The following MANSC1 variants were observed in gnomAD, a reference collection of about 807,000 sequenced individuals.
MANSC1 encodes the protein MANSC domain containing 1, also known as MANSC domain-containing protein 1.
Under a neutral mutation model 14.1 loss-of-function variants are expected in MANSC1, and 13 were observed. The observed-to-expected ratio is 0.92, with a 90% CI of 0.60 to 1.46. The LOEUF (loss-of-function observed/expected upper bound fraction) is 1.46, where lower values mean the gene tolerates loss of function less well. Among genes scored for constraint, MANSC1 ranks in the 40% most tolerant of loss-of-function variants. MANSC1 has a pLI of 0.00. For synonymous variants in MANSC1, 227 were observed against 200.7 expected (o/e 1.13, Z -1.11); for missense variants, 486 against 511.4 (o/e 0.95, Z 0.48).
intron 1 of MANSC1, among the ~76,000 whole-genome samples, chr12:12,346,507 A>G (rs1863011974): frequency 6.6e-6 from 1 of 152,228 alleles, no homozygotes; most frequent in Non-Finnish European, 1.5e-5. Flanking sequence ...TATTAGAAAA[A>G]GAATAGACAA....
intron 2 of MANSC1, among the ~76,000 whole-genome samples, chr12:12,342,019 C>T (rs531178174): frequency 7.2e-5 from 11 of 152,218 alleles, no homozygotes; most frequent in Non-Finnish European, 1.6e-4. Context: ...AAAAAGTCCA[C>T]TGCAGCCTCA....
intron 1 of MANSC1, among the ~76,000 whole-genome samples, chr12:12,345,751 C>A (rs907513971): frequency 1.3e-5 from 2 of 152,136 alleles, no homozygotes; most frequent in Non-Finnish European, 2.9e-5. Context: ...TGTTTATTAA[C>A]CCCTTTGATA....
intron 2 of MANSC1, among the ~76,000 whole-genome samples, chr12:12,340,346 C>G (rs980130003): frequency 6.6e-6 from 1 of 152,218 alleles, no homozygotes; most frequent in African/African-American, 2.4e-5. Flanking sequence ...TCAACTCCAA[C>G]TCCCGAGATG....
In MANSC1 at chr12:12,335,176, G is replaced by A. The variant is rs144439352; in HGVS notation, c.364+3244C>T. ...CAGCAAGTCCTGTCAACTCTACTTC[G>A]GAATAGCCCATATGTCCACTACTCT... On this transcript the variant is annotated intron_variant, in intron 3 of 3. Transcript: ENST00000535902. Among the ~76,000 whole-genome samples the A allele has an allele frequency of 1.6e-3, 249 of 151,920 alleles. 3 individuals carry two copies. The highest frequency in any genetic ancestry group is 5.9e-3 in the African/African-American group (243 of 41,436).
At position 12,327,710 on chromosome 12, in the gene MANSC1, TTTTA is replaced by T. The variant is rs1862725173; in HGVS notation, c.*2313_*2316del. On this transcript the variant is annotated 3_prime_UTR_variant, in exon 4 of 4. Coordinates refer to ENST00000535902, the MANE Select transcript of MANSC1 (RefSeq NM_018050.4). ...CTTGTTAAGTTAAATTGACTCAAGGTTTTATTTATTCAGCCTACTTAAAGCTTAT... is the reference window on the plus strand; with the variant it reads ...CTTGTTAAGTTAAATTGACTCAAGGTTTTATTCAGCCTACTTAAAGCTTAT... 1 of 152,240 alleles carries T rather than the reference TTTTA, an allele frequency of 6.6e-6. No homozygotes were observed. Among genetic ancestry groups the T allele is most frequent in the South Asian group, 2.1e-4 (1 of 4,836 alleles). The allele number at this position is 152,240 out of a possible 1,614,324, so 9.4% of individuals were successfully genotyped here. A position where few individuals can be genotyped will look rare whatever the true frequency, so the allele number is the denominator to read the frequency against.
intron 2 of MANSC1, among the ~76,000 whole-genome samples, chr12:12,340,206 T>C (rs989123664): frequency 6.6e-6 from 1 of 152,210 alleles, no homozygotes; most frequent in African/African-American, 2.4e-5. Flanking sequence ...TTTGGTACAG[T>C]CTCACATCTT....
At chr12:12,343,452 TC>T in intron 1 of MANSC1, 38 bp from the exon 2 acceptor site, 4 of 597,490 alleles carry the variant, frequency 6.7e-6, no homozygotes, top group Non-Finnish European at 1.2e-5. Flanking sequence ...GAGTTTTGTT[TC>T]TTTAACAAAC....
rs1216767270 is a variant in MANSC1, at chr12:12,326,925, C to G, written c.*3102G>C. On this transcript the variant is annotated 3_prime_UTR_variant, in exon 4 of 4. Transcript: ENST00000535902. ...TCCCGGCCTCAAGCAATTATCCTAC[C>G]TCAGCCTCCCAAGTAGCTGGGATTA... 1.3e-5 allele frequency: 2 copies of G among 152,334 alleles called. No homozygotes were observed. The highest frequency in any genetic ancestry group is 3.8e-4 in the East Asian group (2 of 5,200). The allele number at this position is 152,334 out of a possible 1,614,324, so 9.4% of individuals were successfully genotyped here.
chr12:12,332,135 A>G (rs1862799009), intron 3 of MANSC1, among the ~76,000 whole-genome samples: 1 of 152,204 alleles, frequency 6.6e-6, no homozygotes, highest in African/African-American at 2.4e-5. Flanking sequence ...GTGAATTGCC[A>G]TGTATCACTC....
Position 12,330,299 on chromosome 12 carries a change from A to G in MANSC1, c.1024T>C (p.Ser342Pro), listed in dbSNP as rs139979568. The change falls in exon 4 of 4, where the codon TCT becomes CCT. Residue 342 changes from serine (S) to proline (P), a missense_variant. Ser to Pro is a moderately conservative substitution (Grantham distance 74). Coordinates refer to ENST00000535902, the MANE Select transcript of MANSC1 (RefSeq NM_018050.4). The part of the protein sequence containing the change: ...TGNVYNPTAL[S>P]MSNVESSTMN... The stretch of plus-strand genomic sequence containing the variant: ...GTGGAAGACTCCACATTTGACATAG[A>G]AAGTGCAGTAGGGTTATACACATTC... The G allele has an allele frequency of 1.6e-4, 265 of 1,614,236 alleles. No homozygotes were observed. In the African/African-American group the frequency reaches 3.3e-3, roughly 20 times the overall value.
rs146270171 is a variant in MANSC1 at position 12,326,603 on chromosome 12, G to GTT, written c.*3422_*3423dup. On this transcript the variant is annotated 3_prime_UTR_variant, in exon 4 of 4. Transcript: ENST00000535902. Reference sequence around the variant, plus strand: ...CCTCAGGTTTTTTAAGAGTTTTTTAGTTTTTTTTTTGTTGTTGTTGTTTTG... The same window carrying GTT: ...CCTCAGGTTTTTTAAGAGTTTTTTAGTTTTTTTTTTTTGTTGTTGTTGTTTTG... 10,951 of 132,534 alleles carry GTT rather than the reference G, an allele frequency of 0.083. 433 individuals are homozygous for GTT. The highest frequency in any genetic ancestry group is 0.18 in the East Asian group (823 of 4,616). 8.2% of individuals were successfully genotyped at this position (132,534 alleles called of 1,614,324 possible).
chr12:12,342,101 C>T (rs995395761), intron 2 of MANSC1, among the ~76,000 whole-genome samples: 2 of 152,224 alleles, frequency 1.3e-5, no homozygotes, highest in African/African-American at 4.8e-5. Flanking sequence ...CACCAGCACG[C>T]CTGGCTGATT....
chr12:12,344,849 C>T (rs1002354833), intron 1 of MANSC1, among the ~76,000 whole-genome samples: 9 of 141,230 alleles, frequency 6.4e-5, no homozygotes, highest in South Asian at 2.3e-4. Context: ...AAACTCCTTG[C>T]TCCTCAGCCT....
intron 1 of MANSC1, among the ~76,000 whole-genome samples, chr12:12,344,934 T>TATATG (rs1862988606): frequency 1.4e-5 from 1 of 72,502 alleles, no homozygotes; most frequent in South Asian, 4.8e-4. Flanking sequence ...TATATATATA[T>TATATG]ATATATATAT....
intron 3 of MANSC1, 62 bp downstream of exon 3, chr12:12,338,354 ATCTT>A (rs1480296003): frequency 7.3e-7 from 1 of 1,376,218 alleles, no homozygotes; most frequent in East Asian, 2.5e-5. Context: ...CTTGTAGAAA[ATCTT>A]TCACATGAAC....
At chr12:12,334,235 C>T (rs973615940) in intron 3 of MANSC1, among the ~76,000 whole-genome samples, 2 of 149,734 alleles carry the variant, frequency 1.3e-5, no homozygotes, top group East Asian at 2.0e-4. Context: ...GCCATGATCG[C>T]GCCACTGCAC....
At chr12:12,345,493 A>T (rs1344001531) in intron 1 of MANSC1, among the ~76,000 whole-genome samples, 1 of 152,164 alleles carries the variant, frequency 6.6e-6, no homozygotes, top group Non-Finnish European at 1.5e-5. Flanking sequence ...CAGTTAAAGG[A>T]AAGTTTAGGG....
intron 3 of MANSC1, among the ~76,000 whole-genome samples, chr12:12,334,255 G>A (rs1192199568): frequency 6.6e-6 from 1 of 151,038 alleles, no homozygotes; most frequent in Admixed American, 6.6e-5. Context: ...CTGCAGCCTG[G>A]GCAACAGAGT....
At chr12:12,349,802 T>C (rs1197751417) in intron 1 of MANSC1, among the ~76,000 whole-genome samples, 1 of 152,258 alleles carries the variant, frequency 6.6e-6, no homozygotes, top group Non-Finnish European at 1.5e-5. Flanking sequence ...GAAATGCATG[T>C]TGCCTACTGA....
Sources: allele counts gnomAD v4.1 joint callset (sites outside exome capture counted in the v4.1 genomes callset), GRCh38; gene constraint gnomAD v4.1.1; transcripts MANE v1.5; gene names NCBI Gene and HGNC (gene_info 2026-07-23, HGNC 2026-07-21).